The following RASA3 variants were observed in gnomAD, a reference collection of about 807,000 sequenced individuals.
RASA3 encodes the protein ras GTPase-activating protein 3.
Under a neutral mutation model 110.0 loss-of-function variants are expected in RASA3, and 73 were observed. The observed-to-expected ratio is 0.66, with a 90% CI of 0.55 to 0.81. The LOEUF (loss-of-function observed/expected upper bound fraction) is 0.81, where lower values mean the gene tolerates loss of function less well. Ranked by LOEUF, RASA3 falls within the 30% of genes least tolerant of loss-of-function variation. RASA3 has a pLI of 0.00. For synonymous variants in RASA3, 500 were observed against 451.4 expected (o/e 1.11, Z -1.37); for missense variants, 976 against 1,113.2 (o/e 0.88, Z 1.75).
chr13:114,029,782 G>T (rs886707196), intron 5 of RASA3, 29 bp downstream of exon 5: 1 of 1,570,322 alleles, frequency 6.4e-7, no homozygotes, highest in Non-Finnish European at 8.6e-7. Flanking sequence ...CTCGCTGTGC[G>T]CTCGGTCTCT....
At chr13:114,051,791 CT>C (rs2079151321) in intron 3 of RASA3, among the ~76,000 whole-genome samples, 1 of 152,220 alleles carries the variant, frequency 6.6e-6, no homozygotes, top group South Asian at 2.1e-4. Context: ...GCCAGAGATG[CT>C]GTGCTCTTGC....
Position 113,978,990 on chromosome 13 carries a change from G to A in RASA3, c.*357C>T. 3.1e-6 allele frequency: 1 copy of A among 322,326 alleles called. No homozygotes were observed. The highest frequency in any genetic ancestry group is 5.9e-6 in the Non-Finnish European group (1 of 169,432). 20.0% of individuals were successfully genotyped at this position (322,326 alleles called of 1,614,324 possible). On this transcript the variant is annotated 3_prime_UTR_variant, in exon 24 of 24. Transcript: ENST00000334062. The stretch of plus-strand genomic sequence containing the variant: ...GAGACTGACGCACACACGGCCGGAG[G>A]TGCATGTCACAGTCGACTAGACGGG...
rs533100109 is a variant in RASA3, at chr13:114,011,369, C to T, written c.1513-121G>A. 172 of 876,108 alleles carry T rather than the reference C, an allele frequency of 2.0e-4. No homozygotes were observed. The Middle Eastern group carries it at 2.2e-3, about 11-fold the overall frequency. The allele number at this position is 876,108 out of a possible 1,614,324, so 54.3% of individuals were successfully genotyped here. On this transcript the variant is annotated intron_variant, in intron 15 of 23. Coordinates refer to ENST00000334062, the MANE Select transcript of RASA3 (RefSeq NM_007368.4). The surrounding 1 kb of genome is among the most constrained non-coding windows in gnomAD (Gnocchi z 4.8). ...GCTGCTGTGGCTTGTGCATGAGCTA[C>T]GGAGAAACAGGGGTAGCGACGCAGA...
chr13:114,044,873 G>A (rs1027909096), intron 3 of RASA3, among the ~76,000 whole-genome samples: 4 of 152,060 alleles, frequency 2.6e-5, no homozygotes, highest in Admixed American at 6.5e-5. Flanking sequence ...AAACTGGGAC[G>A]GGAGAAGTCA....
At chr13:114,121,695 T>C (rs963136491) in intron 1 of RASA3, among the ~76,000 whole-genome samples, 2 of 152,204 alleles carry the variant, frequency 1.3e-5, no homozygotes, top group Admixed American at 1.3e-4. Context: ...GCTTCACTCC[T>C]CTGTAGCCCT....
intron 20 of RASA3, 51 bp from the exon 21 acceptor site, chr13:113,996,790 G>A (rs1418857969): frequency 4.6e-6 from 7 of 1,521,804 alleles, no homozygotes; most frequent in Non-Finnish European, 6.4e-6. Flanking sequence ...TCGTGGCTGA[G>A]CACGTGCAAG....
chr13:114,016,098 C>A, intron 13 of RASA3, 99 bp downstream of exon 13: 1 of 1,102,292 alleles, frequency 9.1e-7, no homozygotes, highest in South Asian at 1.3e-5. Flanking sequence ...GCTCCCACCC[C>A]AACCGGGGTC....
At chr13:114,033,293 C>T (rs1263732419) in intron 4 of RASA3, among the ~76,000 whole-genome samples, 43 of 75,194 alleles carry the variant, frequency 5.7e-4, no homozygotes, top group African/African-American at 1.9e-3. Context: ...ACTGACAACA[C>T]GCCCCACGGC....
In RASA3 at chr13:114,096,317, C is replaced by A. The variant is rs2079944249; in HGVS notation, c.56-22480G>T. The stretch of plus-strand genomic sequence containing the variant: ...GAGAGCTGCTCACCGACCCATGCCT[C>A]CTCTAGCAAATCGCCTCTCTCACAG... On this transcript the variant is annotated intron_variant, in intron 1 of 23. Coordinates refer to ENST00000334062, the MANE Select transcript of RASA3 (RefSeq NM_007368.4). This position sits in a 1 kb window ranked among gnomAD's most constrained non-coding sequence, Gnocchi z 5.1. Among the ~76,000 whole-genome samples, 1 of 152,214 alleles carries A rather than the reference C, an allele frequency of 6.6e-6. No homozygotes were observed. The highest frequency in any genetic ancestry group is 1.5e-5 in the Non-Finnish European group (1 of 68,032).
At chr13:114,101,612 C>T (rs61971965) in intron 1 of RASA3, among the ~76,000 whole-genome samples, 9 of 152,222 alleles carry the variant, frequency 5.9e-5, no homozygotes, top group Non-Finnish European at 1.3e-4. Flanking sequence ...TGGCTGTCCT[C>T]GTTTCCAAGT....
chr13:113,992,104 A>G (rs2053132373), intron 22 of RASA3, among the ~76,000 whole-genome samples: 1 of 152,170 alleles, frequency 6.6e-6, no homozygotes, highest in Non-Finnish European at 1.5e-5. Flanking sequence ...ACATGCCTAC[A>G]CATATGCACA....
intron 7 of RASA3, 65 bp downstream of exon 7, chr13:114,027,324 G>A (rs2054044237): frequency 4.5e-6 from 6 of 1,332,950 alleles, no homozygotes; most frequent in Middle Eastern, 1.8e-4. Flanking sequence ...TCTGGATCCA[G>A]ACTTTCTGCC....
intron 2 of RASA3, among the ~76,000 whole-genome samples, chr13:114,067,073 C>T (rs1226709403): frequency 6.8e-6 from 1 of 146,736 alleles, no homozygotes; most frequent in African/African-American, 2.5e-5. Context: ...TGAGGACAGG[C>T]CCCCCAACCT....
chr13:114,097,089 A>G (rs1239379612), intron 1 of RASA3, among the ~76,000 whole-genome samples: 2 of 151,920 alleles, frequency 1.3e-5, no homozygotes, highest in Non-Finnish European at 1.5e-5. Flanking sequence ...TTCCCCTTCC[A>G]CCAGGCACAG....
chr13:114,080,545 C>T (rs72659559), intron 1 of RASA3, among the ~76,000 whole-genome samples: 116 of 152,282 alleles, frequency 7.6e-4, no homozygotes, highest in Admixed American at 1.4e-3. Context: ...TCCCAAATAA[C>T]GGGCATATTC....
chr13:114,119,325 G>C (rs1386279304), intron 1 of RASA3, among the ~76,000 whole-genome samples: 1 of 152,210 alleles, frequency 6.6e-6, no homozygotes, highest in Non-Finnish European at 1.5e-5. Context: ...AAATGGAGCA[G>C]GAAATGATGG....
At chr13:114,061,894 G>A (rs926018349) in intron 2 of RASA3, among the ~76,000 whole-genome samples, 3 of 152,136 alleles carry the variant, frequency 2.0e-5, no homozygotes, top group East Asian at 1.9e-4. Context: ...ACTCAACAGG[G>A]GACGTGTCTG....
rs368093775 is a variant in RASA3 at position 114,011,133 on chromosome 13, T to C, written c.1590+38A>G. The C allele has an allele frequency of 2.4e-5, 36 of 1,526,798 alleles. No individual in the cohort carries two copies. The African/African-American group carries it at 4.7e-4, about 20-fold the overall frequency. The allele number at this position is 1,526,798 out of a possible 1,614,324, so 94.6% of individuals were successfully genotyped here. On this transcript the variant is annotated intron_variant, in intron 16 of 23. Coordinates refer to ENST00000334062, the MANE Select transcript of RASA3 (RefSeq NM_007368.4). This position sits in a 1 kb window ranked among gnomAD's most constrained non-coding sequence, Gnocchi z 4.8. ...TTTTCTGAAGAGAGAAAAGAATCAG[T>C]TGTCCCTAAAAAGAGAAAATGAAGA...
chr13:114,039,104 C>A (rs990257188), intron 4 of RASA3, among the ~76,000 whole-genome samples: 1 of 152,244 alleles, frequency 6.6e-6, no homozygotes, highest in Admixed American at 6.5e-5. Flanking sequence ...GATGAGGGAG[C>A]TGGCTCCGAG....
Sources: allele counts gnomAD v4.1 joint callset (sites outside exome capture counted in the v4.1 genomes callset), GRCh38; gene constraint gnomAD v4.1.1; non-coding constraint Gnocchi (gnomAD v3.1); transcripts MANE v1.5; gene names NCBI Gene and HGNC (gene_info 2026-07-23, HGNC 2026-07-21).